The following LIMS2 variants were observed in gnomAD, a reference collection of about 807,000 sequenced individuals.
LIMS2 encodes LIM and senescent cell antigen-like-containing domain protein 2.
Under a neutral mutation model 45.3 loss-of-function variants are expected in LIMS2, and 30 were observed. The observed-to-expected ratio is 0.66, with a 90% CI of 0.50 to 0.90. The LOEUF is 0.90. LIMS2 is among the 40% of genes least tolerant of loss of function. The pLI is 0.00. For missense variants in LIMS2, 485 were observed against 468.7 expected (o/e 1.03, Z -0.32); for synonymous variants, 173 against 188.0 (o/e 0.92, Z 0.65).
At position 127,643,965 on chromosome 2, in the gene LIMS2, C is replaced by T. The variant is rs1385700083; in HGVS notation, c.360-893G>A. The T allele has an allele frequency of 1.6e-5, 7 of 440,452 alleles. No homozygotes were observed. The East Asian group carries it at 3.5e-4, about 22-fold the overall frequency. The allele number at this position is 440,452 out of a possible 1,614,324, so 27.3% of individuals were successfully genotyped here. A position where few individuals can be genotyped will look rare whatever the true frequency, so the allele number is the denominator to read the frequency against. On this transcript the variant is annotated intron_variant, in intron 4 of 9. Transcript: ENST00000355119. ...TCTGACAGGCTGGTCAGGGAGGATA[C>T]GGAAGAGATCCAATCGCAGACCCAA...
intron 4 of LIMS2, chr2:127,645,920 G>GCTCTGAGT (rs1471321173): frequency 6.6e-6 from 1 of 152,348 alleles, no homozygotes; most frequent in Non-Finnish European, 1.5e-5. Flanking sequence ...GCCCCCGCCT[G>GCTCTGAGT]CTCTGAGTCT....
rs563179688 is a variant in LIMS2 at position 127,642,967 on chromosome 2, C to G, written c.465G>C (p.Arg155Ser). ...LVIDEQPLMF[R>S]SDAYHPDHFN... Reference sequence around the variant, plus strand: ...AGTGGTCAGGGTGGTAGGCGTCGCTCCTGAACATGAGGGGCTGCTCGTCGA... The same window carrying G: ...AGTGGTCAGGGTGGTAGGCGTCGCTGCTGAACATGAGGGGCTGCTCGTCGA... Residue 155 changes from arginine to serine, a missense_variant, in exon 5 of 10, where the codon AGG becomes AGC. By Grantham distance (110) the Arg-to-Ser change is moderately radical. Coordinates refer to ENST00000355119, the MANE Select transcript of LIMS2 (RefSeq NM_001161403.3). This position sits in a 1 kb window ranked among gnomAD's most constrained non-coding sequence, Gnocchi z 5.3. 3 of 1,570,892 alleles carry G rather than the reference C, an allele frequency of 1.9e-6. No homozygotes were observed.
intron 1 of LIMS2, chr2:127,673,797 A>G: frequency 6.6e-7 from 1 of 1,511,202 alleles, no homozygotes; most frequent in Non-Finnish European, 9.0e-7. Flanking sequence ...TCTGAGGAAA[A>G]TGGGAGGCAG....
chr2:127,675,614 CG>C (rs1218102278), upstream of LIMS2, among the ~76,000 whole-genome samples: 1 of 152,010 alleles, frequency 6.6e-6, no homozygotes, highest in Non-Finnish European at 1.5e-5. Flanking sequence ...ACAGCCCCGC[CG>C]GGACGCCCCG....
chr2:127,670,348 G>A (rs945661277), intron 1 of LIMS2, among the ~76,000 whole-genome samples: 1 of 152,190 alleles, frequency 6.6e-6, no homozygotes, highest in Non-Finnish European at 1.5e-5. Context: ...TTGGAAATAT[G>A]TTGTTAATAA....
chr2:127,639,116 A>G lies in LIMS2; in HGVS notation c.*165T>C. On this transcript the variant is annotated 3_prime_UTR_variant, in exon 10 of 10. Transcript: ENST00000355119. ...AGCCACGGCCAAGGAGAGGAGAGAC[A>G]TGGGGAAGGCAGAGATGAGGGAACA... The G allele has an allele frequency of 2.8e-6, 2 of 723,586 alleles. No homozygotes were observed. The highest frequency in any genetic ancestry group is 1.9e-5 in the South Asian group (1 of 53,910). The allele number at this position is 723,586 out of a possible 1,614,324, so 44.8% of individuals were successfully genotyped here.
rs200796978 is a variant in LIMS2 at position 127,651,746 on chromosome 2, A to G, written c.359+2678T>C. 6 of 1,611,512 alleles carry G rather than the reference A, an allele frequency of 3.7e-6. No individual in the cohort carries two copies. The Admixed American group carries it at 5.0e-5, about 13-fold the overall frequency. On this transcript the variant is annotated intron_variant, in intron 4 of 9. Coordinates refer to ENST00000355119, the MANE Select transcript of LIMS2 (RefSeq NM_001161403.3). Reference sequence around the variant, plus strand: ...ACGAGAGCTCGCTGAGTGCCAAGTCAGAGCTGTGAGCGGGGGGCGCCGTCC... The same window carrying G: ...ACGAGAGCTCGCTGAGTGCCAAGTCGGAGCTGTGAGCGGGGGGCGCCGTCC...
chr2:127,641,317 G>C lies in LIMS2; in HGVS notation c.661-329C>G, dbSNP rs67076363. 1.1e-5 allele frequency: 3 copies of C among 266,556 alleles called. No individual in the cohort carries two copies. In the Admixed American group the frequency reaches 1.4e-4, roughly 12 times the overall value. 16.5% of individuals were successfully genotyped at this position (266,556 alleles called of 1,614,324 possible). ...CTCCCCCTCGGCAGCCTCAGCCCCAGGAGTCAGGTGCCAGCCTGGTGCTGC... is the reference window on the plus strand; with the variant it reads ...CTCCCCCTCGGCAGCCTCAGCCCCACGAGTCAGGTGCCAGCCTGGTGCTGC... On this transcript the variant is annotated intron_variant, in intron 6 of 9. Transcript: ENST00000355119.
chr2:127,680,152 G>A (rs572393243), upstream of LIMS2, among the ~76,000 whole-genome samples: 1 of 152,376 alleles, frequency 6.6e-6, no homozygotes, highest in South Asian at 2.1e-4. Flanking sequence ...ACCCCCCGGG[G>A]GGGAGCGGGG....
Position 127,639,260 on chromosome 2 carries a change from G to A in LIMS2, c.*21C>T, listed in dbSNP as rs1203615802. The stretch of plus-strand genomic sequence containing the variant: ...AGGGGAGAAGGCGGAGGGGCCGAGA[G>A]GCAGCTGCGCAAGAGGGCCTTCAGG... On this transcript the variant is annotated 3_prime_UTR_variant, in exon 10 of 10. Transcript: ENST00000355119. 1 of 1,611,318 alleles carries A rather than the reference G, an allele frequency of 6.2e-7. No individual in the cohort carries two copies. Among genetic ancestry groups the A allele is most frequent in the African/African-American group, 1.3e-5 (1 of 74,856 alleles).
chr2:127,648,971 AGGGGAGGGAGGGGAGGGGAG>A (rs1683314410), intron 4 of LIMS2, among the ~76,000 whole-genome samples: 1 of 15,570 alleles, frequency 6.4e-5, no homozygotes, highest in Non-Finnish European at 1.2e-4. Flanking sequence ...GGAGGGGGGG[AGGGGAGGGAGGGGAGGGGAG>A]GGAGGGGAGG....
rs569692437 is a variant in LIMS2, at chr2:127,647,496, T to C, written c.360-4424A>G. Among the ~76,000 whole-genome samples, 15 of 152,088 alleles carry C rather than the reference T, an allele frequency of 9.9e-5. No homozygotes were observed. Among genetic ancestry groups the C allele is most frequent in the Non-Finnish European group, 1.8e-4 (12 of 67,964 alleles). ...CAGGCCCCCACCATGCCAGGCAGAGTGGTCAGTCGTACCTATGAGCTGCTC... is the reference window on the plus strand; with the variant it reads ...CAGGCCCCCACCATGCCAGGCAGAGCGGTCAGTCGTACCTATGAGCTGCTC... On this transcript the variant is annotated intron_variant, in intron 4 of 9. Transcript: ENST00000355119. The surrounding 1 kb of genome is among the most constrained non-coding windows in gnomAD (Gnocchi z 4.3).
intron 2 of LIMS2, 77 bp downstream of exon 2, chr2:127,657,326 G>T (rs1280835150): frequency 1.3e-6 from 2 of 1,568,486 alleles, no homozygotes; most frequent in Admixed American, 1.7e-5. Flanking sequence ...CGGGACCACT[G>T]CATGGAGCCC....
intron 4 of LIMS2, among the ~76,000 whole-genome samples, chr2:127,652,796 C>T (rs1312734623): frequency 1.3e-5 from 2 of 152,338 alleles, no homozygotes; most frequent in African/African-American, 2.4e-5. Flanking sequence ...TGAGGTTCTG[C>T]ACTGTGGGGC....
At position 127,674,035 on chromosome 2, in the gene LIMS2, T is replaced by TG. The variant is rs11387114; in HGVS notation, c.11+978dup. 93,835 of 399,370 alleles carry TG rather than the reference T, an allele frequency of 0.23. 11,775 individuals carry two copies. Among genetic ancestry groups the TG allele is most frequent in the Middle Eastern group, 0.36 (445 of 1,244 alleles). 24.7% of individuals were successfully genotyped at this position (399,370 alleles called of 1,614,324 possible). The stretch of plus-strand genomic sequence containing the variant: ...CAAGTTACAGGCTATTTTTGGTTCC[T>TG]GGGCTGCCCTGAGACCCCAGGCCAC... On this transcript the variant is annotated intron_variant, in intron 1 of 9. Transcript: ENST00000355119.
chr2:127,650,561 A>C, intron 4 of LIMS2: 1 of 611,416 alleles, frequency 1.6e-6, no homozygotes, highest in African/African-American at 1.8e-5. Flanking sequence ...CGCACACCAA[A>C]TGGACAAGGA....
At position 127,642,242 on chromosome 2, in the gene LIMS2, C is replaced by T; in HGVS notation, c.510-43G>A. 6.8e-7 allele frequency: 1 copy of T among 1,462,844 alleles called. No homozygotes were observed. Among genetic ancestry groups the T allele is most frequent in the Non-Finnish European group, 9.1e-7 (1 of 1,100,434 alleles). The allele number at this position is 1,462,844 out of a possible 1,614,324, so 90.6% of individuals were successfully genotyped here. On this transcript the variant is annotated intron_variant, in intron 5 of 9. Coordinates refer to ENST00000355119, the MANE Select transcript of LIMS2 (RefSeq NM_001161403.3). This position sits in a 1 kb window ranked among gnomAD's most constrained non-coding sequence, Gnocchi z 5.3. ...GCCCCCAGGTGCCACCCCTGCCCTT[C>T]TGCAGGGTCATGCCAGCAGCGCCTC... is the stretch of plus-strand genomic sequence containing the variant.
intron 6 of LIMS2, chr2:127,641,844 T>C (rs1682439396): frequency 3.7e-6 from 2 of 539,740 alleles, no homozygotes; most frequent in Non-Finnish European, 6.6e-6. Context: ...CAACCGTGTG[T>C]GTGCACTCGG....
At chr2:127,639,878 C>T (rs1003217812) in intron 9 of LIMS2, among the ~76,000 whole-genome samples, 192 bp downstream of exon 9, 1 of 146,074 alleles carries the variant, frequency 6.8e-6, no homozygotes, top group African/African-American at 2.8e-5. Flanking sequence ...GCCTGGGGTC[C>T]CTGGGGTCCC....
Sources: gnomAD v4.1 joint callset for allele counts (sites outside exome capture counted in the v4.1 genomes callset) on GRCh38, gnomAD v4.1.1 for gene constraint, Gnocchi (gnomAD v3.1) non-coding constraint, MANE v1.5 for transcripts, NCBI Gene and HGNC (gene_info 2026-07-23, HGNC 2026-07-21) for gene names.